FBXO42: variants seen among roughly 807,000 people sequenced by gnomAD.
FBXO42 encodes the protein F-box only protein 42.
In FBXO42, 12 loss-of-function variants were observed where a neutral mutation model predicts 71.7. The observed-to-expected ratio is 0.17, with a 90% CI of 0.11 to 0.27. The LOEUF (loss-of-function observed/expected upper bound fraction) is 0.27, where lower values mean the gene tolerates loss of function less well. Ranked by LOEUF, FBXO42 falls within the 10% of genes least tolerant of loss-of-function variation. The pLI is 1.00. For synonymous variants in FBXO42, 325 were observed against 327.5 expected, an observed-to-expected ratio of 0.99 and a Z score of 0.08; for missense variants, 707 against 911.9, an observed-to-expected ratio of 0.78 and a Z score of 2.89.
At chr1:16,277,089 A>T (rs972348672) in intron 4 of FBXO42, among the ~76,000 whole-genome samples, 1 of 152,210 alleles carries the variant, frequency 6.6e-6, no homozygotes, top group African/African-American at 2.4e-5. Flanking sequence ...TGTGAGTAGA[A>T]CTGGATTGTC....
At chr1:16,345,744 A>T (rs1358942128) in intron 1 of FBXO42, among the ~76,000 whole-genome samples, 2 of 150,520 alleles carry the variant, frequency 1.3e-5, no homozygotes, top group African/African-American at 2.4e-5. Flanking sequence ...GCTACTCGGG[A>T]GGCTGAGGCA....
chr1:16,279,694 AAG>A (rs141505132), intron 4 of FBXO42, among the ~76,000 whole-genome samples: 2,948 of 152,314 alleles, frequency 0.019, 76 homozygotes, highest in African/African-American at 0.068. Context: ...AAATGGGTAA[AAG>A]AGAATAACAG....
At position 16,251,098 on chromosome 1, in the gene FBXO42, C is replaced by G; in HGVS notation, c.1726G>C (p.Ala576Pro). Reference protein sequence around the residue: ...MSSKGPSASAALSPPLGSSPG... With the variant: ...MSSKGPSASAPLSPPLGSSPG... ...GAAGACCCAAGAGGAGGACTTAGTG[C>G]TGCAGAGGCCGAGGGGCCTTTGGAG... Residue 576 changes from alanine to proline, a missense_variant, in exon 10 of 10, where the codon GCA becomes CCA. Ala to Pro is a conservative substitution (Grantham distance 27, BLOSUM62 -1). Transcript: ENST00000375592. This position sits in a 1 kb window ranked among gnomAD's most constrained non-coding sequence, Gnocchi z 4.5. 1 of 1,614,188 alleles carries G rather than the reference C, an allele frequency of 6.2e-7. No homozygotes were observed.
intron 4 of FBXO42, among the ~76,000 whole-genome samples, chr1:16,280,535 C>T (rs1324215914): frequency 6.6e-6 from 1 of 152,128 alleles, no homozygotes; most frequent in African/African-American, 2.4e-5. Flanking sequence ...TTGCACCAAC[C>T]TAATAATTGT....
At chr1:16,257,259 C>CG (rs1486345665) in intron 4 of FBXO42, among the ~76,000 whole-genome samples, 1 of 152,112 alleles carries the variant, frequency 6.6e-6, no homozygotes, top group Non-Finnish European at 1.5e-5. Flanking sequence ...TTACAAAACA[C>CG]AGGTAAGAAA....
At chr1:16,259,335 A>G (rs184095512) in intron 4 of FBXO42, among the ~76,000 whole-genome samples, 2 of 152,342 alleles carry the variant, frequency 1.3e-5, no homozygotes, top group African/African-American at 4.8e-5. Flanking sequence ...CAGTACTATG[A>G]AACAGTTAGA....
Position 16,352,446 on chromosome 1 carries a change from G to T in FBXO42, c.-209C>A. 2.5e-6 allele frequency: 1 copy of T among 398,646 alleles called. No homozygotes were observed. The highest frequency in any genetic ancestry group is 4.4e-6 in the Non-Finnish European group (1 of 226,366). 24.7% of individuals were successfully genotyped at this position (398,646 alleles called of 1,614,324 possible). ...CCACTCAAACGCCGCCGCCGCCGCA[G>T]CTGCTGCTGCTCAGGCCGGGAGAAG... On this transcript the variant is annotated 5_prime_UTR_variant, in exon 1 of 10. In the 5' UTR this introduces an upstream ATG that the reference lacks. Transcript: ENST00000375592.
At chr1:16,323,487 T>G (rs778255647) in intron 1 of FBXO42, among the ~76,000 whole-genome samples, 56 of 147,942 alleles carry the variant, frequency 3.8e-4, no homozygotes, top group Admixed American at 1.4e-3. Context: ...AATAAAGGAC[T>G]GAGACCTAAC....
chr1:16,250,754 TATG>T lies in FBXO42; in HGVS notation c.2067_2069del (p.Ile690del). 1 of 1,614,170 alleles carries T rather than the reference TATG, an allele frequency of 6.2e-7. No homozygotes were observed. On this transcript the variant is annotated inframe_deletion, in exon 10 of 10. Coordinates refer to ENST00000375592, the MANE Select transcript of FBXO42 (RefSeq NM_018994.3). The surrounding 1 kb of genome is among the most constrained non-coding windows in gnomAD (Gnocchi z 4.7). ...GTTTCTTGTCCATGAGTCCTCCAAA[TATG>T]ATGAGTTCACCCCTGCCTTGTACCA...
intron 3 of FBXO42, among the ~76,000 whole-genome samples, chr1:16,295,976 T>TA (rs909734908): frequency 7.9e-5 from 12 of 152,164 alleles, no homozygotes; most frequent in Admixed American, 1.3e-4. Context: ...CCAGGATCTC[T>TA]AAAAAAAGCC....
chr1:16,320,070 C>T (rs555540529), intron 1 of FBXO42, among the ~76,000 whole-genome samples: 5 of 151,714 alleles, frequency 3.3e-5, no homozygotes, highest in South Asian at 2.1e-4. Flanking sequence ...TATCCTAAAA[C>T]GTACAGTCGC....
chr1:16,331,422 AAAT>A (rs200267691), intron 1 of FBXO42, among the ~76,000 whole-genome samples: 37,665 of 145,490 alleles, frequency 0.26, 5,485 homozygotes, highest in Non-Finnish European at 0.34. Context: ...CTCAAAAAGA[AAAT>A]AATAATAATA....
chr1:16,342,749 G>C (rs2082619224), intron 1 of FBXO42, among the ~76,000 whole-genome samples: 1 of 152,102 alleles, frequency 6.6e-6, no homozygotes, highest in Admixed American at 6.6e-5. Context: ...CAATGTGGTG[G>C]TGTTAGGAGG....
intron 1 of FBXO42, among the ~76,000 whole-genome samples, chr1:16,325,636 T>C (rs2082442528): frequency 6.6e-6 from 1 of 152,102 alleles, no homozygotes; most frequent in Non-Finnish European, 1.5e-5. Context: ...TTCCACAAAC[T>C]ACCCATCAAT....
In FBXO42 at chr1:16,256,879, T is replaced by C. The variant is rs947252517; in HGVS notation, c.503-120A>G. ...CAAAAGGGGAACTAATACTACAAAGTGTAGAGGAAAGGTGGAAAGAAAACT... is the reference window on the plus strand; with the variant it reads ...CAAAAGGGGAACTAATACTACAAAGCGTAGAGGAAAGGTGGAAAGAAAACT... On this transcript the variant is annotated intron_variant, in intron 4 of 9. Coordinates refer to ENST00000375592, the MANE Select transcript of FBXO42 (RefSeq NM_018994.3). 8 of 985,030 alleles carry C rather than the reference T, an allele frequency of 8.1e-6. No homozygotes were observed. The South Asian group carries it at 1.0e-4, about 13-fold the overall frequency. 61.0% of individuals were successfully genotyped at this position (985,030 alleles called of 1,614,324 possible).
intron 2 of FBXO42, among the ~76,000 whole-genome samples, chr1:16,314,941 G>T (rs986845280): frequency 6.6e-6 from 1 of 151,240 alleles, no homozygotes; most frequent in African/African-American, 2.4e-5. Flanking sequence ...AGAATATGAA[G>T]CTTTTAAAAA....
chr1:16,324,036 T>C (rs1475158092), intron 1 of FBXO42, among the ~76,000 whole-genome samples: 1 of 152,004 alleles, frequency 6.6e-6, no homozygotes, highest in Non-Finnish European at 1.5e-5. Context: ...AATATACTGT[T>C]GAATGAGAGA....
chr1:16,334,897 G>A (rs540042303), intron 1 of FBXO42, among the ~76,000 whole-genome samples: 2 of 151,824 alleles, frequency 1.3e-5, no homozygotes, highest in African/African-American at 4.8e-5. Context: ...GTTCTAGAAG[G>A]GTAAACAGTG....
intron 1 of FBXO42, among the ~76,000 whole-genome samples, chr1:16,345,789 A>G (rs1210350238): frequency 6.0e-5 from 9 of 148,892 alleles, no homozygotes; most frequent in Non-Finnish European, 1.3e-4. Context: ...CAGAGCTTGC[A>G]GTGAGCCGAG....
Sources: allele counts gnomAD v4.1 joint callset (sites outside exome capture counted in the v4.1 genomes callset), GRCh38; gene constraint gnomAD v4.1.1; non-coding constraint Gnocchi (gnomAD v3.1); transcripts MANE v1.5; gene names NCBI Gene and HGNC (gene_info 2026-07-23, HGNC 2026-07-21).